Variants in DMD observed in about 807,000 individuals in gnomAD.
The protein encoded by DMD is mutant dystrophin.
DMD carries 63 observed loss-of-function variants against 330.1 expected under a neutral mutation model. The ratio of observed to expected loss-of-function variants is 0.19; its 90% confidence interval spans 0.16 to 0.24. The LOEUF is 0.24. DMD is among the 10% of genes least tolerant of loss of function. DMD has a pLI of 1.00. For synonymous variants in DMD, 1,223 were observed against 959.8 expected (o/e 1.27, Z -5.07); for missense variants, 3,344 against 2,684.1 (o/e 1.25, Z -5.43).
intron 2 of DMD, among the ~76,000 whole-genome samples, chrX:33,010,593 T>C (rs767286484): frequency 5.4e-5 from 6 of 110,950 alleles, no homozygotes; most frequent in African/African-American, 2.0e-4. Flanking sequence ...TTGAAACATT[T>C]CTATTTTCAA....
chrX:31,570,332 T>G (rs972409831), intron 55 of DMD, among the ~76,000 whole-genome samples: 17 of 111,505 alleles, frequency 1.5e-4, no homozygotes, highest in African/African-American at 5.5e-4. Context: ...ATCAATATTA[T>G]TATCACTGGC....
intron 1 of DMD, among the ~76,000 whole-genome samples, chrX:33,087,406 T>C (rs113181014): frequency 0.031 from 3,434 of 112,097 alleles, 122 homozygotes; most frequent in African/African-American, 0.11. Context: ...GAACTTAAAA[T>C]ACATATTTGT....
intron 43 of DMD, among the ~76,000 whole-genome samples, chrX:32,278,237 T>A (rs2097398298): frequency 9.0e-6 from 1 of 111,005 alleles, no homozygotes; most frequent in African/African-American, 3.3e-5. Flanking sequence ...CCTAGACACA[T>A]ACAACCTACC....
intron 17 of DMD, among the ~76,000 whole-genome samples, chrX:32,536,479 G>T (rs2047996578): frequency 9.0e-6 from 1 of 111,252 alleles, no homozygotes; most frequent in Non-Finnish European, 1.9e-5. Flanking sequence ...ATCAAAGAGT[G>T]GTTAATTTAA....
At chrX:32,703,516 G>T (rs971498536) in intron 7 of DMD, among the ~76,000 whole-genome samples, 1 of 111,777 alleles carries the variant, frequency 8.9e-6, no homozygotes, top group African/African-American at 3.3e-5. Flanking sequence ...TGATTGTCAT[G>T]TGCTATAGAA....
At chrX:32,686,358 G>A (rs1056968417) in intron 9 of DMD, among the ~76,000 whole-genome samples, 11 of 109,803 alleles carry the variant, frequency 1.0e-4, no homozygotes, top group Non-Finnish European at 1.7e-4. Flanking sequence ...AAGAGTTCGA[G>A]ACCAGCCTGG....
intron 60 of DMD, among the ~76,000 whole-genome samples, chrX:31,366,258 C>T (rs1225503827): frequency 9.1e-6 from 1 of 109,295 alleles, no homozygotes; most frequent in African/African-American, 3.3e-5. Context: ...TGGCATAGGT[C>T]GTGGATGTCT....
At chrX:33,239,977 G>C (rs894779556) in intron 1 of DMD, among the ~76,000 whole-genome samples, 10 of 110,340 alleles carry the variant, frequency 9.1e-5, no homozygotes, top group Admixed American at 2.9e-4. Flanking sequence ...TAAAGTGCAG[G>C]AAAACATAAG....
intron 42 of DMD, among the ~76,000 whole-genome samples, chrX:32,295,421 T>C (rs1224709185): frequency 8.9e-6 from 1 of 112,361 alleles, no homozygotes; most frequent in Non-Finnish European, 1.9e-5. Context: ...CTATAAGCCA[T>C]GTGGCTTCAA....
intron 34 of DMD, among the ~76,000 whole-genome samples, chrX:32,378,382 C>A (rs2097912163): frequency 9.2e-6 from 1 of 108,880 alleles, no homozygotes; most frequent in South Asian, 3.8e-4. Context: ...CTCTTCAAGC[C>A]ACACTAAATA....
rs981577721 is a variant in DMD at position 31,968,503 on chromosome X, A to G, written c.6450T>C (p.Asp2150=). The G allele has an allele frequency of 1.1e-5, 13 of 1,210,585 alleles. No homozygotes were observed. The highest frequency in any genetic ancestry group is 1.5e-5 in the Non-Finnish European group (13 of 894,686). The part of the protein sequence containing the change: ...KYKWYLKELQ[D]GIGQRQTVVR... ...CAACAGTTTGCCGCTGCCCAATGCC[A>G]TCCTGGAGTTCCTGTAAGATACCAA... The change falls in exon 45 of 79, where the codon GAT becomes GAC. Residue 2150 remains aspartate, a synonymous_variant. Transcript: ENST00000357033.
At chrX:31,668,488 T>C (rs995042963) in intron 53 of DMD, among the ~76,000 whole-genome samples, 6 of 111,111 alleles carry the variant, frequency 5.4e-5, no homozygotes, top group Non-Finnish European at 1.1e-4. Flanking sequence ...TTTATTTTGC[T>C]TTGACAAATA....
At chrX:33,175,845 T>C (rs2049619491) in intron 1 of DMD, among the ~76,000 whole-genome samples, 1 of 112,075 alleles carries the variant, frequency 8.9e-6, no homozygotes, top group Non-Finnish European at 1.9e-5. Flanking sequence ...TAAAATGTAT[T>C]ATTTTATTAA....
chrX:32,365,332 T>C (rs2097850859), intron 34 of DMD, 133 bp from the exon 35 acceptor site: 1 of 585,204 alleles, frequency 1.7e-6, no homozygotes, highest in East Asian at 3.6e-5. Flanking sequence ...TAATGAATCA[T>C]GAAAACCATA....
At chrX:33,200,924 AC>A (rs2051225847) in intron 1 of DMD, among the ~76,000 whole-genome samples, 1 of 23,324 alleles carries the variant, frequency 4.3e-5, no homozygotes, top group African/African-American at 1.3e-4. Flanking sequence ...TAATCAATAG[AC>A]TTTTTTTTTT....
At chrX:31,280,988 T>C (rs965892360) in intron 62 of DMD, among the ~76,000 whole-genome samples, 1 of 111,714 alleles carries the variant, frequency 9.0e-6, no homozygotes, top group Non-Finnish European at 1.9e-5. Flanking sequence ...TGCTTTCCCA[T>C]AACTTCCACA....
chrX:32,718,657 T>C (rs972094015), intron 7 of DMD, among the ~76,000 whole-genome samples: 2 of 112,136 alleles, frequency 1.8e-5, no homozygotes, highest in Admixed American at 1.9e-4. Flanking sequence ...CTGATAGGAC[T>C]GACTAGTTCT....
intron 61 of DMD, among the ~76,000 whole-genome samples, chrX:31,334,033 A>C (rs2057292291): frequency 1.8e-5 from 2 of 111,410 alleles, no homozygotes; most frequent in Non-Finnish European, 3.8e-5. Flanking sequence ...CCTGGGTTCA[A>C]GCAATTCTCC....
chrX:32,466,591 T>C (rs768738633), intron 23 of DMD, among the ~76,000 whole-genome samples: 3 of 110,995 alleles, frequency 2.7e-5, no homozygotes, highest in African/African-American at 9.8e-5. Flanking sequence ...CAGGGCATAA[T>C]GTAATCACAA....
Sources: allele counts gnomAD v4.1 joint callset (sites outside exome capture counted in the v4.1 genomes callset), GRCh38; gene constraint gnomAD v4.1.1; transcripts MANE v1.5; gene names NCBI Gene and HGNC (gene_info 2026-07-23, HGNC 2026-07-21).